The following TP63 variants were observed in gnomAD, a reference collection of about 807,000 sequenced individuals.
The protein encoded by TP63 is tumor protein p63.
TP63 carries 17 observed loss-of-function variants against 82.8 expected under a neutral mutation model. That is an observed-to-expected ratio of 0.21 (90% confidence interval 0.14 to 0.31). The LOEUF is 0.31. Ranked by LOEUF, TP63 falls within the 10% of genes least tolerant of loss-of-function variation. The pLI is 1.00. For synonymous variants in TP63, 330 were observed against 321.7 expected (o/e 1.03, Z -0.28); for missense variants, 648 against 895.3 (o/e 0.72, Z 3.52).
intron 3 of TP63, among the ~76,000 whole-genome samples, chr3:189,746,973 A>G (rs1173095794): frequency 6.6e-6 from 1 of 151,600 alleles, no homozygotes; most frequent in African/African-American, 2.4e-5. Context: ...CCGTCAGATA[A>G]AACAGATTTT....
At chr3:189,626,555 C>T (rs112937689), upstream of TP63, among the ~76,000 whole-genome samples, 1 of 152,186 alleles carries the variant, frequency 6.6e-6, no homozygotes, top group Non-Finnish European at 1.5e-5. Context: ...GTGGTGGCAT[C>T]TGTTGTTTTC....
Position 189,880,896 on chromosome 3 carries a change from G to T in TP63, c.1350-5498G>T, listed in dbSNP as rs1719838815. 2.0e-6 allele frequency: 2 copies of T among 985,242 alleles called. 1 individual carries two copies. The highest frequency in any genetic ancestry group is 9.4e-5 in the South Asian group (2 of 21,288). 61.0% of individuals were successfully genotyped at this position (985,242 alleles called of 1,614,324 possible). A position where few individuals can be genotyped will look rare whatever the true frequency, so the allele number is the denominator to read the frequency against. On this transcript the variant is annotated intron_variant, in intron 10 of 13. Coordinates refer to ENST00000264731, the MANE Select transcript of TP63 (RefSeq NM_003722.5). ...GTATGTTGGCATCTGTTATGCTAAA[G>T]TTTTTCTTGTACATGAAACCCTGGA...
At position 189,748,508 on chromosome 3, in the gene TP63, CAAAAAAAAAAA is replaced by C. The variant is rs58926854; in HGVS notation, c.324+9749_324+9759del. ...CAAAATATCTCTACAAGGAAAACTA[CAAAAAAAAAAA>C]AAAAAAAAAAAAAAGGCGGGGGACA... On this transcript the variant is annotated intron_variant, in intron 3 of 13. Coordinates refer to ENST00000264731, the MANE Select transcript of TP63 (RefSeq NM_003722.5). Among the ~76,000 whole-genome samples, 3 of 31,254 alleles carry C rather than the reference CAAAAAAAAAAA, an allele frequency of 9.6e-5. No individual in the cohort carries two copies. The South Asian group carries it at 5.4e-3, about 56-fold the overall frequency. The allele number at this position is 31,254 out of a possible 152,430, so 20.5% of individuals were successfully genotyped here.
chr3:189,818,979 T>C (rs1728496008), intron 4 of TP63, among the ~76,000 whole-genome samples: 1 of 152,208 alleles, frequency 6.6e-6, no homozygotes, highest in African/African-American at 2.4e-5. Context: ...GTTTATCACC[T>C]TTCTTATAAC....
At chr3:189,767,341 A>G (rs993921830) in intron 3 of TP63, among the ~76,000 whole-genome samples, 1 of 152,176 alleles carries the variant, frequency 6.6e-6, no homozygotes, top group Non-Finnish European at 1.5e-5. Flanking sequence ...TGTTGTGTAT[A>G]GGTACTATTA....
chr3:189,676,409 G>A (rs1011986699), intron 1 of TP63, among the ~76,000 whole-genome samples: 1 of 152,080 alleles, frequency 6.6e-6, no homozygotes. Flanking sequence ...GGATCATGCA[G>A]TATTTGTCTG....
intron 3 of TP63, among the ~76,000 whole-genome samples, chr3:189,747,964 A>G (rs1271831963): frequency 6.6e-6 from 1 of 152,062 alleles, no homozygotes; most frequent in African/African-American, 2.4e-5. Context: ...CAAGAAATTG[A>G]CACGTTCCTG....
At chr3:189,626,052 A>G in the TP63 span, among the ~76,000 whole-genome samples, 1 of 152,208 alleles carries the variant, frequency 6.6e-6, no homozygotes, top group East Asian at 1.9e-4. Context: ...GATGGAGGTC[A>G]AATCAGAAGA....
chr3:189,764,206 C>T (rs1722777077), intron 3 of TP63, among the ~76,000 whole-genome samples: 2 of 152,128 alleles, frequency 1.3e-5, no homozygotes, highest in African/African-American at 4.8e-5. Context: ...GTCCCAATAT[C>T]CATTCAGAAT....
At position 189,659,262 on chromosome 3, in the gene TP63, C is replaced by G. The variant is rs551417080; in HGVS notation, c.62+27685C>G. 2.0e-5 allele frequency among the ~76,000 whole-genome samples: 3 copies of G among 151,964 alleles called. No individual in the cohort carries two copies. The East Asian group carries it at 5.8e-4, about 29-fold the overall frequency. On this transcript the variant is annotated intron_variant, in intron 1 of 13. Transcript: ENST00000264731. ...GTCTACTGTTGCCATCTTTATGTCCCCGTATACCCAATGATTAGCTCCCAC... is the reference window on the plus strand; with the variant it reads ...GTCTACTGTTGCCATCTTTATGTCCGCGTATACCCAATGATTAGCTCCCAC...
At chr3:189,632,093 G>A (rs1244325959) in intron 1 of TP63, among the ~76,000 whole-genome samples, 1 of 152,144 alleles carries the variant, frequency 6.6e-6, no homozygotes, top group Non-Finnish European at 1.5e-5. Context: ...TAAAGCTTGT[G>A]ATTGTAGTAA....
chr3:189,875,662 T>C (rs1462742363), intron 10 of TP63, among the ~76,000 whole-genome samples: 2 of 137,022 alleles, frequency 1.5e-5, no homozygotes, highest in Non-Finnish European at 3.1e-5. Context: ...TTGCTGTAGT[T>C]TGATAGTCTG....
intron 4 of TP63, among the ~76,000 whole-genome samples, chr3:189,863,638 T>G (rs2108794498): frequency 6.6e-6 from 1 of 152,296 alleles, no homozygotes; most frequent in African/African-American, 2.4e-5. Flanking sequence ...TCTCCTAGTC[T>G]TTGACATCAG....
intron 3 of TP63, among the ~76,000 whole-genome samples, chr3:189,801,371 T>C (rs182461473): frequency 6.6e-6 from 1 of 152,292 alleles, no homozygotes; most frequent in African/African-American, 2.4e-5. Flanking sequence ...AATTATTAAA[T>C]ATTAAAATTC....
rs1376939956 is a variant in TP63 at position 189,868,604 on chromosome 3, C to T, written c.1017C>T (p.Cys339=). The change falls in exon 8 of 14, where the codon TGC becomes TGT. Residue 339 remains cysteine (C), a synonymous_variant. Transcript: ENST00000264731. ...GTGGGCAAGTCCTGGGCCGACGCTG[C>T]TTTGAGGCCCGGATCTGTGCTTGCC... ...TRDGQVLGRR[C]FEARICACPG... is the part of the protein sequence containing the mutation. 1 of 1,613,976 alleles carries T rather than the reference C, an allele frequency of 6.2e-7. No homozygotes were observed. The highest frequency in any genetic ancestry group is 1.3e-5 in the African/African-American group (1 of 74,890).
intron 4 of TP63, among the ~76,000 whole-genome samples, chr3:189,827,866 G>A (rs1302551847): frequency 6.6e-6 from 1 of 152,172 alleles, no homozygotes; most frequent in Non-Finnish European, 1.5e-5. Flanking sequence ...TTCTGTTGGA[G>A]GAAGCTAACT....
chr3:189,680,988 G>A (rs1282793614), intron 1 of TP63, among the ~76,000 whole-genome samples: 2 of 152,196 alleles, frequency 1.3e-5, no homozygotes, highest in African/African-American at 4.8e-5. Flanking sequence ...CCACAGTAAA[G>A]TCAGGTGCTT....
the TP63 span, among the ~76,000 whole-genome samples, chr3:189,608,565 T>A: frequency 6.6e-6 from 1 of 152,194 alleles, no homozygotes; most frequent in East Asian, 1.9e-4. Context: ...AGTTTTATTT[T>A]CTTTGGCTGT....
intron 1 of TP63, among the ~76,000 whole-genome samples, chr3:189,701,009 C>A (rs771776775): frequency 6.6e-6 from 1 of 152,102 alleles, no homozygotes; most frequent in Non-Finnish European, 1.5e-5. Context: ...ACCAGAAAAT[C>A]TGTGATATGT....
Sources: allele counts gnomAD v4.1 joint callset (sites outside exome capture counted in the v4.1 genomes callset), GRCh38; gene constraint gnomAD v4.1.1; transcripts MANE v1.5; gene names NCBI Gene and HGNC (gene_info 2026-07-23, HGNC 2026-07-21).